The following EPHB1 variants were observed in gnomAD, a reference collection of about 807,000 sequenced individuals.
EPHB1 encodes the protein EPH receptor B1.
EPHB1 carries 30 observed loss-of-function variants against 94.4 expected under a neutral mutation model. The ratio of observed to expected loss-of-function variants is 0.32; its 90% CI spans 0.24 to 0.43. The LOEUF (loss-of-function observed/expected upper bound fraction) is 0.43. Among genes scored for constraint, EPHB1 ranks in the 20% least tolerant of loss-of-function variants. The probability of loss-of-function intolerance (pLI) is 1.00; values close to 1 mark genes in which losing one functional copy is unlikely to be tolerated. For synonymous variants in EPHB1, 522 were observed against 489.1 expected (o/e 1.07, Z -0.89); for missense variants, 1,055 against 1,308.3 (o/e 0.81, Z 2.99).
At chr3:135,061,374 C>CGA (rs1553727861) in intron 3 of EPHB1, among the ~76,000 whole-genome samples, 3 of 126,414 alleles carry the variant, frequency 2.4e-5, no homozygotes, top group African/African-American at 1.0e-4. Context: ...GACCACCCCC[C>CGA]CCGACCCAAG....
chr3:134,832,987 T>TA (rs1417611184), intron 1 of EPHB1, among the ~76,000 whole-genome samples: 1 of 152,258 alleles, frequency 6.6e-6, no homozygotes, highest in Non-Finnish European at 1.5e-5. Context: ...TGCTGTTTTT[T>TA]AAAAAGTGCT....
rs552444435 is a variant in EPHB1, at chr3:134,798,825, G to A, written c.58+3136G>A. On this transcript the variant is annotated intron_variant, in intron 1 of 15. Coordinates refer to ENST00000398015, the MANE Select transcript of EPHB1 (RefSeq NM_004441.5). ...TGGGATAGGATCTGGAAAGCACATT[G>A]GCCCTCCTGGGAGGCAGCAACCTGA... 2.6e-4 allele frequency among the ~76,000 whole-genome samples: 40 copies of A among 152,276 alleles called. No homozygotes were observed. In the South Asian group the frequency reaches 7.7e-3, roughly 29 times the overall value.
chr3:134,843,499 GT>G (rs373675481), intron 1 of EPHB1, among the ~76,000 whole-genome samples: 1 of 152,008 alleles, frequency 6.6e-6, no homozygotes, highest in African/African-American at 2.4e-5. Flanking sequence ...CTATCTGGAA[GT>G]TTTTTTATCA....
At chr3:135,007,302 T>G (rs1935454503) in intron 3 of EPHB1, among the ~76,000 whole-genome samples, 1 of 152,170 alleles carries the variant, frequency 6.6e-6, no homozygotes, top group Non-Finnish European at 1.5e-5. Flanking sequence ...TTTTTTCTGA[T>G]TGTTGGAAAG....
intron 4 of EPHB1, among the ~76,000 whole-genome samples, chr3:135,118,749 T>A (rs1330599810): frequency 6.6e-6 from 1 of 152,192 alleles, no homozygotes; most frequent in Non-Finnish European, 1.5e-5. Context: ...CTGTGAGACT[T>A]GAGAAGAGAA....
intron 3 of EPHB1, among the ~76,000 whole-genome samples, chr3:134,959,966 CTT>C (rs61369813): frequency 2.8e-5 from 3 of 107,422 alleles, no homozygotes; most frequent in African/African-American, 6.4e-5. Flanking sequence ...ACATCTGCAC[CTT>C]TTTTTTTTTT....
intron 3 of EPHB1, among the ~76,000 whole-genome samples, chr3:135,023,961 A>C (rs1320560799): frequency 2.0e-5 from 3 of 152,204 alleles, no homozygotes; most frequent in Non-Finnish European, 4.4e-5. Flanking sequence ...TTTTAGGTGA[A>C]TATATCACTG....
chr3:134,859,544 C>A (rs2037201009), intron 1 of EPHB1, among the ~76,000 whole-genome samples: 1 of 152,144 alleles, frequency 6.6e-6, no homozygotes, highest in South Asian at 2.1e-4. Flanking sequence ...GTCCCCACCC[C>A]CTGGCTGAGA....
At chr3:134,898,324 C>A (rs577256438) in intron 1 of EPHB1, among the ~76,000 whole-genome samples, 24 of 152,256 alleles carry the variant, frequency 1.6e-4, no homozygotes, top group South Asian at 4.2e-4. Flanking sequence ...CATGATGACA[C>A]CAAGTGCTGC....
At chr3:134,967,177 G>A (rs1447293642) in intron 3 of EPHB1, among the ~76,000 whole-genome samples, 1 of 152,192 alleles carries the variant, frequency 6.6e-6, no homozygotes. Context: ...AGACTTTTAA[G>A]TAAGTGCTAT....
At chr3:134,868,793 T>A (rs2037437900) in intron 1 of EPHB1, among the ~76,000 whole-genome samples, 1 of 152,254 alleles carries the variant, frequency 6.6e-6, no homozygotes, top group African/African-American at 2.4e-5. Context: ...CACTTGTGGC[T>A]TATGCAATAA....
intron 3 of EPHB1, among the ~76,000 whole-genome samples, chr3:135,061,826 C>T (rs1937514951): frequency 6.6e-6 from 1 of 152,080 alleles, no homozygotes; most frequent in Admixed American, 6.5e-5. Context: ...CAATTCCCAC[C>T]TATGAGTGAG....
chr3:135,165,726 C>A (rs1042242609), intron 7 of EPHB1, among the ~76,000 whole-genome samples: 1 of 152,230 alleles, frequency 6.6e-6, no homozygotes, highest in African/African-American at 2.4e-5. Context: ...GGAATGTCAT[C>A]AGCTATAGTT....
chr3:134,977,945 A>G (rs1160371369), intron 3 of EPHB1: 1 of 456,000 alleles, frequency 2.2e-6, no homozygotes, highest in Non-Finnish European at 4.4e-6. Context: ...GATGCCATCC[A>G]TTCTGTTTTT....
rs1277764498 is a variant in EPHB1, at chr3:135,117,021, TGACTCTGATC to T, written c.961+10419_961+10428del. ...CAAAGACCAGGGATCCCAGTGTCTTTGACTCTGATCAGGTATTTAGAGGGAAGCCACTTTC... is the reference window on the plus strand; with the variant it reads ...CAAAGACCAGGGATCCCAGTGTCTTTAGGTATTTAGAGGGAAGCCACTTTC... On this transcript the variant is annotated intron_variant, in intron 4 of 15. Coordinates refer to ENST00000398015, the MANE Select transcript of EPHB1 (RefSeq NM_004441.5). Among the ~76,000 whole-genome samples, 6 of 152,342 alleles carry T rather than the reference TGACTCTGATC, an allele frequency of 3.9e-5. No homozygotes were observed. In the East Asian group the frequency reaches 1.2e-3, roughly 29 times the overall value.
chr3:134,832,300 G>A (rs1187016294), intron 1 of EPHB1, among the ~76,000 whole-genome samples: 1 of 152,202 alleles, frequency 6.6e-6, no homozygotes, highest in Non-Finnish European at 1.5e-5. Context: ...GGTGCACAAG[G>A]GCATTTGTGA....
At chr3:134,931,667 C>A (rs1398854226) in intron 2 of EPHB1, among the ~76,000 whole-genome samples, 3 of 152,164 alleles carry the variant, frequency 2.0e-5, no homozygotes, top group Non-Finnish European at 4.4e-5. Flanking sequence ...GCCTCATGAA[C>A]CTTCAGGATG....
intron 11 of EPHB1, among the ~76,000 whole-genome samples, chr3:135,197,687 A>T (rs1008283631): frequency 5.3e-5 from 8 of 152,242 alleles, no homozygotes; most frequent in Non-Finnish European, 1.0e-4. Flanking sequence ...ATTTCAGCAG[A>T]AAGCACTTCA....
At chr3:134,858,151 A>G (rs1402960335) in intron 1 of EPHB1, among the ~76,000 whole-genome samples, 1 of 22,990 alleles carries the variant, frequency 4.3e-5, no homozygotes, top group Non-Finnish European at 8.4e-5. Flanking sequence ...TTATTGTTCC[A>G]TCATCATCAT....
Sources: gnomAD v4.1 joint callset for allele counts (sites outside exome capture counted in the v4.1 genomes callset) on GRCh38, gnomAD v4.1.1 for gene constraint, MANE v1.5 for transcripts, NCBI Gene and HGNC (gene_info 2026-07-23, HGNC 2026-07-21) for gene names.